The following CDH13 variants were observed in gnomAD, a reference collection of about 807,000 sequenced individuals.
The protein encoded by CDH13 is cadherin 13, also known as cadherin-13.
A neutral mutation model predicts 63.8 loss-of-function variants in CDH13; 24 were observed. The ratio of observed to expected loss-of-function variants is 0.38; its 90% CI spans 0.27 to 0.53. The LOEUF (loss-of-function observed/expected upper bound fraction) is 0.53. Among genes scored for constraint, CDH13 ranks in the 20% least tolerant of loss-of-function variants. The pLI is 0.85. For synonymous variants in CDH13, 503 were observed against 355.3 expected (o/e 1.42, Z -4.67); for missense variants, 1,049 against 903.1 (o/e 1.16, Z -2.07).
chr16:82,838,122 G>C (rs2038848077), intron 1 of CDH13, among the ~76,000 whole-genome samples: 1 of 152,156 alleles, frequency 6.6e-6, no homozygotes, highest in African/African-American at 2.4e-5. Context: ...CCTCTGTTTT[G>C]AAAGCTCTTC....
chr16:83,035,788 A>T (rs1246551008), intron 3 of CDH13, among the ~76,000 whole-genome samples: 1 of 151,884 alleles, frequency 6.6e-6, no homozygotes, highest in African/African-American at 2.4e-5. Flanking sequence ...TGTAGTTTTG[A>T]TTTTTTCGTC....
At chr16:83,275,593 TAAG>T (rs1251061483) in intron 5 of CDH13, among the ~76,000 whole-genome samples, 59 of 152,054 alleles carry the variant, frequency 3.9e-4, no homozygotes, top group African/African-American at 1.4e-3. Context: ...AGGAGGGGCT[TAAG>T]GAGGGGGCAC....
intron 5 of CDH13, among the ~76,000 whole-genome samples, chr16:83,338,692 G>A (rs1567602383): frequency 6.6e-6 from 1 of 152,218 alleles, no homozygotes; most frequent in Admixed American, 6.5e-5. Context: ...ATGAATAGCG[G>A]CAGCAAGGAA....
intron 4 of CDH13, among the ~76,000 whole-genome samples, chr16:83,168,587 G>A (rs1489847657): frequency 2.0e-5 from 3 of 151,450 alleles, no homozygotes; most frequent in East Asian, 3.9e-4. Context: ...GTAATGTTCA[G>A]TATTGTTAGT....
intron 3 of CDH13, among the ~76,000 whole-genome samples, chr16:83,075,330 T>C (rs2151550350): frequency 6.6e-6 from 1 of 152,340 alleles, no homozygotes; most frequent in South Asian, 2.1e-4. Context: ...GAAGATGAAC[T>C]TGTGACAATG....
At position 83,522,485 on chromosome 16, in the gene CDH13, A is replaced by C. The variant is rs545616387; in HGVS notation, c.960+35830A>C. Among the ~76,000 whole-genome samples the C allele has an allele frequency of 1.1e-4, 16 of 152,338 alleles. No homozygotes were observed. The East Asian group carries it at 3.1e-3, about 29-fold the overall frequency. On this transcript the variant is annotated intron_variant, in intron 7 of 13. Coordinates refer to ENST00000567109, the MANE Select transcript of CDH13 (RefSeq NM_001257.5). ...TGGGTGCCAACAAGACGTGGTCTCT[A>C]TTACAGACTTGAAGCTGGTAATACT...
chr16:82,997,295 A>C (rs1314052123), intron 2 of CDH13, among the ~76,000 whole-genome samples: 1 of 152,068 alleles, frequency 6.6e-6, no homozygotes, highest in Non-Finnish European at 1.5e-5. Context: ...AAATGTGTAA[A>C]CTCACAGTGC....
chr16:83,380,586 T>C (rs1396943399), intron 6 of CDH13, among the ~76,000 whole-genome samples: 1 of 152,194 alleles, frequency 6.6e-6, no homozygotes, highest in African/African-American at 2.4e-5. Context: ...TATAGGGCAG[T>C]CTGGAGACGT....
At chr16:83,644,497 C>T (rs972879275) in intron 8 of CDH13, among the ~76,000 whole-genome samples, 1 of 152,196 alleles carries the variant, frequency 6.6e-6, no homozygotes, top group Admixed American at 6.5e-5. Flanking sequence ...AGCAAAATGC[C>T]TGGCCCAAAA....
chr16:83,564,825 C>T (rs1425911069), intron 7 of CDH13, among the ~76,000 whole-genome samples: 2 of 152,188 alleles, frequency 1.3e-5, no homozygotes, highest in East Asian at 1.9e-4. Flanking sequence ...AGAAAGGCAG[C>T]CCTCCTCTGC....
intron 6 of CDH13, among the ~76,000 whole-genome samples, chr16:83,481,861 A>G (rs1331726930): frequency 6.6e-6 from 1 of 152,166 alleles, no homozygotes; most frequent in Non-Finnish European, 1.5e-5. Context: ...GTCTGGAAAC[A>G]CAAGACAAGC....
chr16:83,347,573 C>A (rs1298395355), intron 6 of CDH13, among the ~76,000 whole-genome samples: 1 of 152,150 alleles, frequency 6.6e-6, no homozygotes, highest in Non-Finnish European at 1.5e-5. Context: ...CATATATGTA[C>A]AACATCATTT....
intron 5 of CDH13, among the ~76,000 whole-genome samples, chr16:83,285,159 T>C (rs1304552837): frequency 6.6e-6 from 1 of 152,182 alleles, no homozygotes; most frequent in Non-Finnish European, 1.5e-5. Flanking sequence ...TACCTGTAGA[T>C]TCTTGGCAAG....
intron 6 of CDH13, among the ~76,000 whole-genome samples, chr16:83,377,052 C>A (rs1327460735): frequency 6.6e-6 from 1 of 152,056 alleles, no homozygotes; most frequent in Non-Finnish European, 1.5e-5. Context: ...AATAAAGGAG[C>A]TATATCAGAA....
intron 4 of CDH13, among the ~76,000 whole-genome samples, chr16:83,213,383 G>A (rs1459335372): frequency 6.6e-6 from 1 of 152,176 alleles, no homozygotes; most frequent in African/African-American, 2.4e-5. Flanking sequence ...CGGGAGGGTG[G>A]TGATGTTTGT....
intron 1 of CDH13, among the ~76,000 whole-genome samples, chr16:82,851,570 A>C (rs286673): frequency 0.92 from 140,153 of 152,030 alleles, 65,653 homozygotes; most frequent in East Asian, 1. Flanking sequence ...TAATGACCAG[A>C]AACGTGTCAG....
At position 83,305,012 on chromosome 16, in the gene CDH13, C is replaced by T. The variant is rs114483870; in HGVS notation, c.637-39850C>T. ...ATGTGTAATTGCAATGAGCCATATA[C>T]GCATTCCCCACAGACCGGGAAGCTT... On this transcript the variant is annotated intron_variant, in intron 5 of 13. Transcript: ENST00000567109. Among the ~76,000 whole-genome samples, 929 of 152,272 alleles carry T rather than the reference C, an allele frequency of 6.1e-3. 9 individuals carry two copies. Among genetic ancestry groups the T allele is most frequent in the African/African-American group, 0.021 (882 of 41,544 alleles).
At chr16:82,809,888 T>C (rs898916179) in intron 1 of CDH13, among the ~76,000 whole-genome samples, 1 of 152,082 alleles carries the variant, frequency 6.6e-6, no homozygotes, top group South Asian at 2.1e-4. Flanking sequence ...TCAAGATACA[T>C]ATAAGGTGCC....
chr16:83,168,816 G>C (rs751442500), intron 4 of CDH13, among the ~76,000 whole-genome samples: 2 of 151,746 alleles, frequency 1.3e-5, no homozygotes, highest in Admixed American at 6.6e-5. Context: ...TTATTTTCTG[G>C]GAATGTTCTC....
Sources: gnomAD v4.1 joint callset for allele counts (sites outside exome capture counted in the v4.1 genomes callset) on GRCh38, gnomAD v4.1.1 for gene constraint, MANE v1.5 for transcripts, NCBI Gene and HGNC (gene_info 2026-07-23, HGNC 2026-07-21) for gene names.